CERS6: variants seen among roughly 807,000 people sequenced by gnomAD.
CERS6 encodes LAG1 homolog, ceramide synthase 6.
CERS6 carries 26 observed loss-of-function variants against 56.8 expected under a neutral mutation model. The observed-to-expected ratio is 0.46, with a 90% CI of 0.34 to 0.63. The LOEUF is 0.63. Among genes scored for constraint, CERS6 ranks in the 30% least tolerant of loss-of-function variants. CERS6 has a pLI of 0.01. For missense variants in CERS6, 415 were observed against 467.5 expected (o/e 0.89, Z 1.04); for synonymous variants, 164 against 173.3 (o/e 0.95, Z 0.42).
At chr2:168,754,363 A>T (rs1056005108) in intron 8 of CERS6, among the ~76,000 whole-genome samples, 1 of 152,206 alleles carries the variant, frequency 6.6e-6, no homozygotes, top group Non-Finnish European at 1.5e-5. Flanking sequence ...AATACATAAT[A>T]TTCAGTTTTC....
chr2:168,622,119 G>A (rs896868483), intron 3 of CERS6, among the ~76,000 whole-genome samples: 2 of 152,106 alleles, frequency 1.3e-5, no homozygotes, highest in South Asian at 2.1e-4. Flanking sequence ...TTTAGAGGAT[G>A]GAAATATTAC....
chr2:168,721,344 T>C (rs1203534707), intron 8 of CERS6, among the ~76,000 whole-genome samples: 1 of 152,144 alleles, frequency 6.6e-6, no homozygotes, highest in Non-Finnish European at 1.5e-5. Context: ...ATTTTATTTA[T>C]CCATTCATGA....
chr2:168,653,013 G>A (rs1209597326), intron 4 of CERS6, among the ~76,000 whole-genome samples: 1 of 152,150 alleles, frequency 6.6e-6, no homozygotes, highest in Non-Finnish European at 1.5e-5. Context: ...GTGTATTCAG[G>A]TACATGAAGT....
At chr2:168,549,899 T>TTG (rs755906475) in intron 2 of CERS6, among the ~76,000 whole-genome samples, 13 of 151,454 alleles carry the variant, frequency 8.6e-5, no homozygotes, top group African/African-American at 1.9e-4. Flanking sequence ...AAGTGTGCGT[T>TTG]TGTGTGTGTG....
At chr2:168,763,759 C>T (rs570936273) in intron 8 of CERS6, among the ~76,000 whole-genome samples, 1 of 152,308 alleles carries the variant, frequency 6.6e-6, no homozygotes, top group African/African-American at 2.4e-5. Context: ...ATCAGATTGT[C>T]CCAGCAAAGT....
chr2:168,520,561 A>G (rs1045618208), intron 1 of CERS6, among the ~76,000 whole-genome samples: 15 of 138,316 alleles, frequency 1.1e-4, no homozygotes, highest in African/African-American at 4.0e-4. Context: ...TTTATAGTTT[A>G]AATTCTTACA....
intron 6 of CERS6, among the ~76,000 whole-genome samples, chr2:168,704,506 A>G (rs1208439380): frequency 1.3e-5 from 2 of 152,054 alleles, no homozygotes; most frequent in Non-Finnish European, 2.9e-5. Flanking sequence ...TTCACTTTCC[A>G]TCCCCATAAA....
intron 4 of CERS6, among the ~76,000 whole-genome samples, chr2:168,687,342 A>G (rs1686378054): frequency 2.0e-5 from 3 of 152,262 alleles, no homozygotes; most frequent in African/African-American, 7.2e-5. Flanking sequence ...ATACATGGTA[A>G]ATACCAAAAA....
At chr2:168,486,988 A>G (rs920146065) in intron 1 of CERS6, among the ~76,000 whole-genome samples, 15 of 152,216 alleles carry the variant, frequency 9.9e-5, no homozygotes, top group Non-Finnish European at 1.9e-4. Context: ...ACTTCCAGGA[A>G]TGAACTGCAT....
At chr2:168,506,827 A>T (rs1694686722) in intron 1 of CERS6, among the ~76,000 whole-genome samples, 1 of 152,208 alleles carries the variant, frequency 6.6e-6, no homozygotes, top group African/African-American at 2.4e-5. Flanking sequence ...GTGGCTTAAA[A>T]AATTTGGCCA....
At chr2:168,614,111 G>C (rs1684252341) in intron 3 of CERS6, among the ~76,000 whole-genome samples, 1 of 152,256 alleles carries the variant, frequency 6.6e-6, no homozygotes, top group South Asian at 2.1e-4. Context: ...CCTTCACTGA[G>C]TGAGGAAGGA....
intron 1 of CERS6, among the ~76,000 whole-genome samples, chr2:168,469,078 G>A (rs567158922): frequency 6.6e-6 from 1 of 152,152 alleles, no homozygotes; most frequent in East Asian, 1.9e-4. Context: ...AGTGACATTG[G>A]GATCACATTT....
In CERS6 at chr2:168,537,032, G is replaced by A. The variant is rs186348866; in HGVS notation, c.171-10564G>A. ...TGTCCATAGTTCTCTTTCACCACAAGATTAATTATACCTTTATAAGCTGTG... is the reference window on the plus strand; with the variant it reads ...TGTCCATAGTTCTCTTTCACCACAAAATTAATTATACCTTTATAAGCTGTG... On this transcript the variant is annotated intron_variant, in intron 1 of 9. Coordinates refer to ENST00000305747, the MANE Select transcript of CERS6 (RefSeq NM_203463.3). 7.4e-4 allele frequency among the ~76,000 whole-genome samples: 112 copies of A among 152,222 alleles called. 3 individuals carry two copies. Among genetic ancestry groups the A allele is most frequent in the Non-Finnish European group, 2.5e-4 (17 of 68,010 alleles).
chr2:168,531,163 T>C (rs897301864), intron 1 of CERS6, among the ~76,000 whole-genome samples: 7 of 152,138 alleles, frequency 4.6e-5, no homozygotes, highest in African/African-American at 1.2e-4. Flanking sequence ...TTTTGAAATA[T>C]TTGAGGAGGT....
intron 1 of CERS6, among the ~76,000 whole-genome samples, chr2:168,466,861 A>T (rs1162215810): frequency 6.6e-6 from 1 of 152,178 alleles, no homozygotes; most frequent in Non-Finnish European, 1.5e-5. Flanking sequence ...TGCAGGAGAG[A>T]TGCATTCCTT....
intron 4 of CERS6, chr2:168,644,124 G>A: frequency 2.0e-6 from 2 of 984,976 alleles, no homozygotes; most frequent in Non-Finnish European, 2.4e-6. Flanking sequence ...TGACTTGCTT[G>A]CAAGTATTTT....
intron 3 of CERS6, among the ~76,000 whole-genome samples, chr2:168,608,559 C>T (rs1684109664): frequency 6.6e-6 from 1 of 152,158 alleles, no homozygotes; most frequent in Admixed American, 6.6e-5. Flanking sequence ...ATTATCTCTT[C>T]AATTATAGCC....
At chr2:168,588,477 C>T (rs933611159) in intron 3 of CERS6, among the ~76,000 whole-genome samples, 1 of 152,090 alleles carries the variant, frequency 6.6e-6, no homozygotes, top group African/African-American at 2.4e-5. Flanking sequence ...ATTTAATGAC[C>T]GTAAGTACTT....
intron 4 of CERS6, among the ~76,000 whole-genome samples, chr2:168,666,400 G>A (rs536841541): frequency 6.6e-6 from 1 of 151,990 alleles, no homozygotes; most frequent in Non-Finnish European, 1.5e-5. Flanking sequence ...CATATAATTG[G>A]AATCATACAA....
Sources: gnomAD v4.1 joint callset for allele counts (sites outside exome capture counted in the v4.1 genomes callset) on GRCh38, gnomAD v4.1.1 for gene constraint, MANE v1.5 for transcripts, NCBI Gene and HGNC (gene_info 2026-07-23, HGNC 2026-07-21) for gene names.